The following UTRN variants were observed in gnomAD, a reference collection of about 807,000 sequenced individuals.
UTRN encodes utrophin, also known as dystrophin-related protein 1.
Under a neutral mutation model 463.9 loss-of-function variants are expected in UTRN, and 283 were observed. The ratio of observed to expected loss-of-function variants is 0.61; its 90% confidence interval spans 0.55 to 0.67. UTRN has a LOEUF of 0.67. UTRN is among the 30% of genes least tolerant of loss of function. UTRN has a pLI of 0.00. For synonymous variants in UTRN, 1,442 were observed against 1,431.5 expected, an observed-to-expected ratio of 1.01 and a Z score of -0.17; for missense variants, 3,922 against 4,084.3, an observed-to-expected ratio of 0.96 and a Z score of 1.08.
intron 53 of UTRN, among the ~76,000 whole-genome samples, chr6:144,705,915 T>C (rs943564409): frequency 2.6e-5 from 4 of 151,632 alleles, no homozygotes; most frequent in African/African-American, 9.6e-5. Flanking sequence ...TAATTCATAC[T>C]AATATAAATC....
chr6:144,351,892 A>G (rs1349863543), intron 2 of UTRN, among the ~76,000 whole-genome samples: 1 of 152,116 alleles, frequency 6.6e-6, no homozygotes, highest in Non-Finnish European at 1.5e-5. Context: ...TCAGATAGCG[A>G]TCCACTTGGC....
intron 9 of UTRN, among the ~76,000 whole-genome samples, chr6:144,435,353 GC>G (rs1486837598): frequency 1.3e-5 from 2 of 152,110 alleles, no homozygotes; most frequent in African/African-American, 4.8e-5. Context: ...TATTCCATGA[GC>G]CCTAAAAGGC....
At chr6:144,327,001 C>T (rs1250974304) in intron 2 of UTRN, among the ~76,000 whole-genome samples, 4 of 152,104 alleles carry the variant, frequency 2.6e-5, no homozygotes, top group African/African-American at 4.8e-5. Context: ...TGTTGATGCT[C>T]GTCTGGTGGA....
chr6:144,379,835 C>T (rs1470142256), intron 2 of UTRN, among the ~76,000 whole-genome samples: 4 of 152,158 alleles, frequency 2.6e-5, no homozygotes, highest in Admixed American at 6.5e-5. Flanking sequence ...TGAGTAGATG[C>T]GTGACCACTT....
intron 61 of UTRN, among the ~76,000 whole-genome samples, chr6:144,787,087 A>G (rs1436855018): frequency 6.6e-6 from 1 of 151,946 alleles, no homozygotes; most frequent in Non-Finnish European, 1.5e-5. Context: ...TATTTTGACC[A>G]TTTTTCCCTG....
chr6:144,389,473 TAATC>T (rs961873757), intron 2 of UTRN, among the ~76,000 whole-genome samples: 5 of 152,234 alleles, frequency 3.3e-5, no homozygotes, highest in African/African-American at 9.6e-5. Flanking sequence ...TTTCTTTCCT[TAATC>T]AATTTCTTTC....
chr6:144,831,575 A>G (rs111718885), intron 69 of UTRN, among the ~76,000 whole-genome samples: 6 of 152,338 alleles, frequency 3.9e-5, no homozygotes, highest in African/African-American at 1.2e-4. Flanking sequence ...GATCACCCAT[A>G]TATCTATTAC....
At chr6:144,762,187 G>T (rs554527692) in intron 58 of UTRN, among the ~76,000 whole-genome samples, 1 of 152,268 alleles carries the variant, frequency 6.6e-6, no homozygotes, top group Admixed American at 6.5e-5. Context: ...GCTTGCTTGA[G>T]ATTACACAGC....
chr6:144,566,780 AG>A (rs941988118), intron 50 of UTRN, among the ~76,000 whole-genome samples: 1 of 152,144 alleles, frequency 6.6e-6, no homozygotes, highest in Non-Finnish European at 1.5e-5. Context: ...AGTGGGGAGC[AG>A]GGAGGACCCT....
chr6:144,589,775 G>A (rs1201765623), intron 51 of UTRN, among the ~76,000 whole-genome samples: 1 of 152,048 alleles, frequency 6.6e-6, no homozygotes, highest in Non-Finnish European at 1.5e-5. Flanking sequence ...GGAGATGTTG[G>A]AAATCATCTG....
chr6:144,325,755 A>G (rs1483409856), intron 2 of UTRN, among the ~76,000 whole-genome samples: 1 of 152,168 alleles, frequency 6.6e-6, no homozygotes, highest in African/African-American at 2.4e-5. Context: ...GAAAGCCTCC[A>G]CCAGTAGACC....
chr6:144,829,598 C>CT (rs1357036153), intron 69 of UTRN, among the ~76,000 whole-genome samples: 3 of 151,204 alleles, frequency 2.0e-5, no homozygotes, highest in African/African-American at 7.3e-5. Flanking sequence ...ATCTAAAAGA[C>CT]TAATACTGTC....
chr6:144,446,762 C>T (rs1388076395), intron 14 of UTRN, among the ~76,000 whole-genome samples: 3 of 152,172 alleles, frequency 2.0e-5, no homozygotes, highest in Non-Finnish European at 4.4e-5. Flanking sequence ...GGGGTGTGGA[C>T]CCTGGACCCA....
At chr6:144,715,037 C>T (rs1254200666) in intron 53 of UTRN, among the ~76,000 whole-genome samples, 1 of 152,100 alleles carries the variant, frequency 6.6e-6, no homozygotes, top group Admixed American at 6.5e-5. Context: ...TGTATTCACT[C>T]CTTCTTGGGT....
intron 2 of UTRN, among the ~76,000 whole-genome samples, chr6:144,386,919 C>T (rs896579714): frequency 2.6e-5 from 4 of 151,950 alleles, no homozygotes; most frequent in African/African-American, 4.8e-5. Flanking sequence ...TTCCGAAATA[C>T]TCCATTTTTT....
At chr6:144,754,614 C>T in intron 56 of UTRN, 106 bp from the exon 57 acceptor site, 1 of 928,630 alleles carries the variant, frequency 1.1e-6, no homozygotes, top group Non-Finnish European at 1.6e-6. Flanking sequence ...ACAATCATAT[C>T]CTGGGCAATA....
At chr6:144,727,005 C>A (rs1274832661) in intron 53 of UTRN, among the ~76,000 whole-genome samples, 3 of 152,218 alleles carry the variant, frequency 2.0e-5, no homozygotes, top group Non-Finnish European at 4.4e-5. Context: ...TCCCTCCCCA[C>A]ACCCCTGCAC....
rs540583216 is a variant in UTRN at position 144,542,392 on chromosome 6, G to A, written c.6520-403G>A. 1.7e-4 allele frequency among the ~76,000 whole-genome samples: 26 copies of A among 152,248 alleles called. No individual in the cohort carries two copies. The South Asian group carries it at 5.4e-3, about 32-fold the overall frequency. On this transcript the variant is annotated intron_variant, in intron 45 of 74. Coordinates refer to ENST00000367545, the MANE Select transcript of UTRN (RefSeq NM_007124.3). Reference sequence around the variant, plus strand: ...GACTCAGGGAGAGCCCAGGGTGAAGGGCAAGAAGAGCAACACAGCTGCCCT... The same window carrying A: ...GACTCAGGGAGAGCCCAGGGTGAAGAGCAAGAAGAGCAACACAGCTGCCCT...
chr6:144,714,735 G>T (rs1292154069), intron 53 of UTRN, among the ~76,000 whole-genome samples: 2 of 152,160 alleles, frequency 1.3e-5, no homozygotes, highest in Non-Finnish European at 2.9e-5. Flanking sequence ...CCTTAGGTAA[G>T]GAAGCCATCC....
Sources: gnomAD v4.1 joint callset for allele counts (sites outside exome capture counted in the v4.1 genomes callset) on GRCh38, gnomAD v4.1.1 for gene constraint, MANE v1.5 for transcripts, NCBI Gene and HGNC (gene_info 2026-07-23, HGNC 2026-07-21) for gene names.